TMEM260: variants seen among roughly 807,000 people sequenced by gnomAD.
TMEM260 encodes the protein protein O-mannosyl-transferase TMEM260.
TMEM260 carries 82 observed loss-of-function variants against 88.9 expected under a neutral mutation model. That is an observed-to-expected ratio of 0.92 (90% CI 0.77 to 1.11). The LOEUF (loss-of-function observed/expected upper bound fraction) is 1.11, where lower values mean the gene tolerates loss of function less well. Among genes scored for constraint, TMEM260 ranks in the 50% least tolerant of loss-of-function variants. The pLI, the probability that TMEM260 is intolerant of heterozygous loss-of-function variation, is 0.00. For missense variants in TMEM260, 902 were observed against 853.4 expected (o/e 1.06, Z -0.71); for synonymous variants, 314 against 309.3 (o/e 1.02, Z -0.16).
At chr14:56,615,865 G>A in intron 7 of TMEM260, 79 bp from the exon 8 acceptor site, 3 of 998,980 alleles carry the variant, frequency 3.0e-6, no homozygotes, top group Non-Finnish European at 4.8e-6. Flanking sequence ...TATAATCAAT[G>A]GTATCTTACA....
chr14:56,609,809 C>G (rs756468001), intron 6 of TMEM260, among the ~76,000 whole-genome samples: 23 of 152,254 alleles, frequency 1.5e-4, no homozygotes, highest in Middle Eastern at 3.4e-3. Context: ...CAAAGAAGTT[C>G]AAAAGGCCTT....
chr14:56,583,673 G>C (rs2139493439), intron 1 of TMEM260, among the ~76,000 whole-genome samples: 1 of 152,248 alleles, frequency 6.6e-6, no homozygotes, highest in South Asian at 2.1e-4. Flanking sequence ...GGGGAGGCTG[G>C]GGAAGCAGGT....
At chr14:56,647,095 C>G in intron 15 of TMEM260, 148 bp from the exon 16 acceptor site, 1 of 819,164 alleles carries the variant, frequency 1.2e-6, no homozygotes, top group East Asian at 2.7e-5. Context: ...TTCTTGGGTT[C>G]TCTGCATGGC....
At chr14:56,627,579 T>A (rs1329386007) in intron 12 of TMEM260, among the ~76,000 whole-genome samples, 1 of 152,174 alleles carries the variant, frequency 6.6e-6, no homozygotes, top group African/African-American at 2.4e-5. Flanking sequence ...AATTTTAAAT[T>A]ATTAGTATAG....
the TMEM260 span, among the ~76,000 whole-genome samples, chr14:56,661,837 C>T: frequency 2.0e-5 from 3 of 152,170 alleles, no homozygotes; most frequent in Non-Finnish European, 2.9e-5. Context: ...GGCCTTCTCC[C>T]GTCCACACAT....
chr14:56,633,624 C>T (rs1295311014), intron 13 of TMEM260: 1 of 154,742 alleles, frequency 6.5e-6, no homozygotes, highest in Non-Finnish European at 1.4e-5. Context: ...GAAGACTCAG[C>T]TTTGAGTAGC....
intron 10 of TMEM260, 33 bp downstream of exon 10, chr14:56,618,796 G>A (rs1320924697): frequency 1.3e-6 from 2 of 1,592,050 alleles, no homozygotes; most frequent in Admixed American, 3.4e-5. Flanking sequence ...AAAAGTAGCT[G>A]TCAAGCCAGA....
intron 4 of TMEM260, among the ~76,000 whole-genome samples, chr14:56,604,222 A>T (rs1886754928): frequency 6.6e-6 from 1 of 152,132 alleles, no homozygotes; most frequent in Admixed American, 6.5e-5. Context: ...TTTTTGGAGA[A>T]TTAGAGGATT....
chr14:56,656,071 T>C, the TMEM260 span, among the ~76,000 whole-genome samples: 5 of 152,164 alleles, frequency 3.3e-5, no homozygotes, highest in Non-Finnish European at 7.3e-5. Flanking sequence ...GTATAGTGAT[T>C]AGACTCCCAG....
chr14:56,607,063 A>G (rs947885957), intron 5 of TMEM260, among the ~76,000 whole-genome samples: 3 of 152,224 alleles, frequency 2.0e-5, no homozygotes, highest in Admixed American at 2.0e-4. Context: ...TTTATAGTGT[A>G]TATAGCAAGT....
At chr14:56,657,816 G>A in the TMEM260 span, among the ~76,000 whole-genome samples, 4 of 152,020 alleles carry the variant, frequency 2.6e-5, no homozygotes, top group East Asian at 3.9e-4. Flanking sequence ...ACCCACAAAC[G>A]GTCATTAGAC....
At chr14:56,640,714 C>T (rs989121288) in intron 15 of TMEM260, among the ~76,000 whole-genome samples, 2 of 151,948 alleles carry the variant, frequency 1.3e-5, no homozygotes, top group African/African-American at 2.4e-5. Flanking sequence ...GAAGGAAGTT[C>T]GAACCAATGG....
downstream of TMEM260, among the ~76,000 whole-genome samples, chr14:56,654,164 A>G (rs1355329545): frequency 1.3e-5 from 2 of 152,132 alleles, no homozygotes; most frequent in Non-Finnish European, 2.9e-5. Flanking sequence ...TTAGACGTGG[A>G]TAGTTATATC....
At chr14:56,615,902 A>G (rs1887562954) in intron 7 of TMEM260, 42 bp from the exon 8 acceptor site, 2 of 1,372,170 alleles carry the variant, frequency 1.5e-6, no homozygotes, top group Non-Finnish European at 2.1e-6. Flanking sequence ...GAATCAATCA[A>G]ATTTGTTTCC....
At chr14:56,610,341 C>T (rs1032962176) in intron 6 of TMEM260, among the ~76,000 whole-genome samples, 24 of 152,122 alleles carry the variant, frequency 1.6e-4, no homozygotes, top group East Asian at 7.7e-4. Context: ...CCCGGGTTCA[C>T]GCCATTCTGC....
chr14:56,589,125 T>C (rs1885694491), intron 3 of TMEM260, among the ~76,000 whole-genome samples: 1 of 152,142 alleles, frequency 6.6e-6, no homozygotes, highest in South Asian at 2.1e-4. Flanking sequence ...TCATTAAACA[T>C]CTATATTCTC....
chr14:56,599,548 G>T (rs951833216), intron 3 of TMEM260, among the ~76,000 whole-genome samples: 1 of 152,088 alleles, frequency 6.6e-6, no homozygotes, highest in African/African-American at 2.4e-5. Flanking sequence ...ATGTTACATG[G>T]CAAGTAACTG....
chr14:56,597,482 G>A (rs1886318166), intron 3 of TMEM260, among the ~76,000 whole-genome samples: 1 of 152,184 alleles, frequency 6.6e-6, no homozygotes, highest in Non-Finnish European at 1.5e-5. Context: ...AAGTCATTTA[G>A]TGTTGATGAA....
chr14:56,611,055 C>T (rs1210441376), intron 6 of TMEM260, among the ~76,000 whole-genome samples: 2 of 151,226 alleles, frequency 1.3e-5, no homozygotes, highest in East Asian at 3.9e-4. Context: ...CAACCTCCAC[C>T]TCCTGGGTTC....
Sources: gnomAD v4.1 joint callset for allele counts (sites outside exome capture counted in the v4.1 genomes callset) on GRCh38, gnomAD v4.1.1 for gene constraint, MANE v1.5 for transcripts, NCBI Gene and HGNC (gene_info 2026-07-23, HGNC 2026-07-21) for gene names.